The following RIPK1 variants were observed in gnomAD, a reference collection of about 807,000 sequenced individuals.
The protein encoded by RIPK1 is receptor-interacting serine/threonine-protein kinase 1.
RIPK1 carries 27 observed loss-of-function variants against 62.4 expected under a neutral mutation model. The ratio of observed to expected loss-of-function variants is 0.43; its 90% CI spans 0.32 to 0.60. The LOEUF (loss-of-function observed/expected upper bound fraction) is 0.60. RIPK1 is among the 20% of genes least tolerant of loss of function. RIPK1 has a pLI of 0.07. For missense variants in RIPK1, 735 were observed against 831.0 expected, an observed-to-expected ratio of 0.88 and a Z score of 1.42; for synonymous variants, 287 against 303.2, an observed-to-expected ratio of 0.95 and a Z score of 0.55.
Position 3,089,665 on chromosome 6 carries a change from A to G in RIPK1, c.915+8A>G. ...GACGTGAAGAGTTTAAAGGTAGGCA[A>G]TATAGCAGATGCTCAAAATATTAAC... On this transcript the variant is annotated splice_region_variant and intron_variant, in intron 7 of 10. Transcript: ENST00000259808. 6.9e-7 allele frequency: 1 copy of G among 1,447,624 alleles called. No homozygotes were observed. Among genetic ancestry groups the G allele is most frequent in the Non-Finnish European group, 9.6e-7 (1 of 1,043,990 alleles). 89.7% of individuals were successfully genotyped at this position (1,447,624 alleles called of 1,614,324 possible). A position where few individuals can be genotyped will look rare whatever the true frequency, so the allele number is the denominator to read the frequency against.
At position 3,104,329 on chromosome 6, in the gene RIPK1, T is replaced by A; in HGVS notation, c.1006+14T>A. 1.4e-6 allele frequency: 2 copies of A among 1,381,204 alleles called. No homozygotes were observed. The highest frequency in any genetic ancestry group is 2.1e-6 in the Non-Finnish European group (2 of 968,914). 85.6% of individuals were successfully genotyped at this position (1,381,204 alleles called of 1,614,324 possible). A position where few individuals can be genotyped will look rare whatever the true frequency, so the allele number is the denominator to read the frequency against. The stretch of plus-strand genomic sequence containing the variant: ...GGTCAAATTCAGGTAAATTACACTA[T>A]GGTCAAAATCTATTCATTTATTTGT... On this transcript the variant is annotated intron_variant, in intron 8 of 10. Transcript: ENST00000259808.
At chr6:3,065,243 C>T (rs367829304), upstream of RIPK1, among the ~76,000 whole-genome samples, 1 of 111,456 alleles carries the variant, frequency 9.0e-6, no homozygotes, top group African/African-American at 3.5e-5. Flanking sequence ...CCAGCCTGGG[C>T]GACAGAGCCA....
intron 6 of RIPK1, among the ~76,000 whole-genome samples, chr6:3,087,710 T>A (rs1160080687): frequency 1.3e-5 from 2 of 152,008 alleles, no homozygotes; most frequent in Non-Finnish European, 2.9e-5. Context: ...TGGCTAATTT[T>A]TTGTATTTTT....
At chr6:3,068,321 C>T (rs1581368274), upstream of RIPK1, 1 of 985,502 alleles carries the variant, frequency 1.0e-6, no homozygotes, top group African/African-American at 1.7e-5. Context: ...TTTCGGTTTC[C>T]TCTTTTACGT....
At chr6:3,080,802 C>A (rs923996840) in intron 3 of RIPK1, among the ~76,000 whole-genome samples, 177 bp from the exon 4 acceptor site, 2 of 151,176 alleles carry the variant, frequency 1.3e-5, no homozygotes, top group Non-Finnish European at 2.9e-5. Flanking sequence ...ACCCTCTGCC[C>A]CCCCCCGAAT....
rs1761299682 is a variant in RIPK1 at position 3,114,135 on chromosome 6, T to A, written c.*796T>A. The A allele has an allele frequency of 6.6e-6, 1 of 152,226 alleles. No individual in the cohort carries two copies. The highest frequency in any genetic ancestry group is 1.5e-5 in the Non-Finnish European group (1 of 68,036). The allele number at this position is 152,226 out of a possible 1,614,324, so 9.4% of individuals were successfully genotyped here. A position where few individuals can be genotyped will look rare whatever the true frequency, so the allele number is the denominator to read the frequency against. On this transcript the variant is annotated 3_prime_UTR_variant, in exon 11 of 11. Coordinates refer to ENST00000259808, the MANE Select transcript of RIPK1 (RefSeq NM_001354930.2). The surrounding 1 kb of genome is among the most constrained non-coding windows in gnomAD (Gnocchi z 5.0). Reference sequence around the variant, plus strand: ...TTTCCCAGGCAGTTGTTGCAAGGAATTGGTACTAACCGTGACTACAACAAA... The same window carrying A: ...TTTCCCAGGCAGTTGTTGCAAGGAAATGGTACTAACCGTGACTACAACAAA...
At chr6:3,085,003 T>C (rs1419906792) in intron 5 of RIPK1, among the ~76,000 whole-genome samples, 1 of 152,250 alleles carries the variant, frequency 6.6e-6, no homozygotes, top group East Asian at 1.9e-4. Flanking sequence ...GAGCATGCCA[T>C]TGGCCTTGCC....
chr6:3,106,743 C>T (rs552637325), intron 9 of RIPK1, among the ~76,000 whole-genome samples: 29 of 152,184 alleles, frequency 1.9e-4, no homozygotes, highest in Non-Finnish European at 3.2e-4. Flanking sequence ...TCTCCAAAAA[C>T]GTCCTATGCA....
At chr6:3,073,255 ATATT>A (rs1758850480) in intron 1 of RIPK1, among the ~76,000 whole-genome samples, 1 of 150,836 alleles carries the variant, frequency 6.6e-6, no homozygotes, top group South Asian at 2.1e-4. Flanking sequence ...CATATATTAT[ATATT>A]ACATATATAC....
At chr6:3,065,141 C>T (rs1408003561), upstream of RIPK1, among the ~76,000 whole-genome samples, 1 of 151,796 alleles carries the variant, frequency 6.6e-6, no homozygotes, top group African/African-American at 2.4e-5. Context: ...CCTGTAGTCC[C>T]AGCTACTCGG....
chr6:3,087,665 G>A lies in RIPK1; in HGVS notation c.839-1916G>A, dbSNP rs912920609. Among the ~76,000 whole-genome samples, 41 of 150,972 alleles carry A rather than the reference G, an allele frequency of 2.7e-4. 1 individual carries two copies. The highest frequency in any genetic ancestry group is 2.5e-3 in the Admixed American group (38 of 15,150). ...CGCCATTTTCCTGCCTCAGCCTCCC[G>A]AGTAGCTGGGACTACAGACACCCGC... is the stretch of plus-strand genomic sequence containing the variant. On this transcript the variant is annotated intron_variant, in intron 6 of 10. Coordinates refer to ENST00000259808, the MANE Select transcript of RIPK1 (RefSeq NM_001354930.2).
chr6:3,103,356 A>C (rs1387226482), intron 7 of RIPK1, among the ~76,000 whole-genome samples: 1 of 150,824 alleles, frequency 6.6e-6, no homozygotes, highest in African/African-American at 2.4e-5. Flanking sequence ...ACTGGAGTGC[A>C]GTGGCAGAAT....
At chr6:3,102,366 A>T (rs1164789370) in intron 7 of RIPK1, among the ~76,000 whole-genome samples, 1 of 152,212 alleles carries the variant, frequency 6.6e-6, no homozygotes, top group Non-Finnish European at 1.5e-5. Context: ...TATAAGGTGC[A>T]TATGAAACAC....
rs1760818434 is a variant in RIPK1 at position 3,105,785 on chromosome 6, C to T, written c.1310C>T (p.Thr437Ile). The T allele has an allele frequency of 6.2e-7, 1 of 1,614,098 alleles. No homozygotes were observed. The highest frequency in any genetic ancestry group is 1.3e-5 in the African/African-American group (1 of 74,936). Reference protein sequence around the residue: ...ENFQNTEGKGTAYSSAASHGN... With the variant: ...ENFQNTEGKGIAYSSAASHGN... ...TTTCAGAATACAGAGGGAAAAGGCA[C>T]TGCTTATTCCAGTGCAGCCAGTCAT... The change falls in exon 9 of 11, where the codon ACT becomes ATT. Residue 437 changes from threonine to isoleucine, a missense_variant. By Grantham distance (89) the Thr-to-Ile change is moderately conservative. This residue lies in a region of RIPK1 where 671 missense variants were observed against 726.2 expected (regional missense o/e 0.92). Transcript: ENST00000259808. The surrounding 1 kb of genome is among the most constrained non-coding windows in gnomAD (Gnocchi z 4.5).
Position 3,097,042 on chromosome 6 carries a change from T to C in RIPK1, c.916-7183T>C, listed in dbSNP as rs1407502195. Among the ~76,000 whole-genome samples the C allele has an allele frequency of 2.0e-5, 3 of 152,144 alleles. No individual in the cohort carries two copies. In the East Asian group the frequency reaches 5.8e-4, roughly 29 times the overall value. On this transcript the variant is annotated intron_variant, in intron 7 of 10. Coordinates refer to ENST00000259808, the MANE Select transcript of RIPK1 (RefSeq NM_001354930.2). ...TGCGCCACCATGCCCGGCTAATTTT[T>C]GTATTTTTAGTAGACATGGGGTTTC...
At chr6:3,080,224 T>C (rs868788940) in intron 3 of RIPK1, among the ~76,000 whole-genome samples, 1 of 152,226 alleles carries the variant, frequency 6.6e-6, no homozygotes. Flanking sequence ...AAAATACATA[T>C]ACATTTTTAG....
At chr6:3,097,807 T>C (rs925507076) in intron 7 of RIPK1, among the ~76,000 whole-genome samples, 1 of 152,030 alleles carries the variant, frequency 6.6e-6, no homozygotes, top group African/African-American at 2.4e-5. Context: ...TTCTATAAAT[T>C]ATTTATAAAT....
At chr6:3,069,213 G>T (rs952454321) in intron 1 of RIPK1, among the ~76,000 whole-genome samples, 35 of 152,210 alleles carry the variant, frequency 2.3e-4, no homozygotes, top group Non-Finnish European at 4.9e-4. Flanking sequence ...AAAACAGTTT[G>T]GGCTCTTCCC....
At chr6:3,064,767 G>A (rs773938861), upstream of RIPK1, among the ~76,000 whole-genome samples, 23 of 152,200 alleles carry the variant, frequency 1.5e-4, no homozygotes, top group Non-Finnish European at 3.4e-4. Flanking sequence ...TTCTAAGGGG[G>A]ACCAGGAGTT....
Sources: allele counts gnomAD v4.1 joint callset (sites outside exome capture counted in the v4.1 genomes callset), GRCh38; gene constraint gnomAD v4.1.1; regional missense constraint gnomAD v4.1.1; non-coding constraint Gnocchi (gnomAD v3.1); transcripts MANE v1.5; gene names NCBI Gene and HGNC (gene_info 2026-07-23, HGNC 2026-07-21).